FRK: variants seen among roughly 807,000 people sequenced by gnomAD.
FRK encodes the protein tyrosine-protein kinase FRK.
A neutral mutation model predicts 56.4 loss-of-function variants in FRK; 51 were observed. That is an observed-to-expected ratio of 0.90 (90% CI 0.72 to 1.14). FRK has a LOEUF of 1.14. FRK is among the 50% of genes most tolerant of loss of function. The pLI is 0.00. For missense variants in FRK, 570 were observed against 601.4 expected (o/e 0.95, Z 0.55); for synonymous variants, 245 against 217.9 (o/e 1.12, Z -1.10).
In FRK at chr6:115,953,180, A is replaced by ACTTTTTTTTTTTTTTTTTTTTTTT. The variant is rs34026302; in HGVS notation, c.958+3271_958+3272insAAAAAAAAAAAAAAAAAAAAAAAG. ...AGAGTGGTACATCCATTTTAAGGCC[A>ACTTTTTTTTTTTTTTTTTTTTTTT]TTTTTTTTTTTTTTTTTTTTTTTTT... On this transcript the variant is annotated intron_variant, in intron 5 of 7. Coordinates refer to ENST00000606080, the MANE Select transcript of FRK (RefSeq NM_002031.3). Among the ~76,000 whole-genome samples, 5 of 104,032 alleles carry ACTTTTTTTTTTTTTTTTTTTTTTT rather than the reference A, an allele frequency of 4.8e-5. 2 individuals carry two copies. The highest frequency in any genetic ancestry group is 1.1e-4 in the African/African-American group (3 of 27,214). The allele number at this position is 104,032 out of a possible 152,430, so 68.2% of individuals were successfully genotyped here.
At chr6:115,992,043 T>G (rs1183346560) in intron 2 of FRK, among the ~76,000 whole-genome samples, 1 of 151,702 alleles carries the variant, frequency 6.6e-6, no homozygotes, top group African/African-American at 2.4e-5. Flanking sequence ...TGTGCTTCTT[T>G]GAATCTTCTC....
At chr6:116,003,565 T>C (rs1775141863) in intron 2 of FRK, among the ~76,000 whole-genome samples, 1 of 152,246 alleles carries the variant, frequency 6.6e-6, no homozygotes, top group African/African-American at 2.4e-5. Context: ...AGTAGAGTTT[T>C]TGTTTCTTCC....
chr6:116,069,707 C>G, the FRK span, among the ~76,000 whole-genome samples: 1 of 152,144 alleles, frequency 6.6e-6, no homozygotes, highest in South Asian at 2.1e-4. Flanking sequence ...TGCACTAGAG[C>G]AGGGGAAAAC....
chr6:115,993,832 G>A (rs898688804), intron 2 of FRK, among the ~76,000 whole-genome samples: 1 of 151,934 alleles, frequency 6.6e-6, no homozygotes, highest in Admixed American at 6.6e-5. Context: ...AGCATCTCAA[G>A]TATGCTCTTT....
chr6:115,967,451 C>T (rs1773625760), intron 4 of FRK, 100 bp downstream of exon 4: 47 of 1,135,746 alleles, frequency 4.1e-5, no homozygotes, highest in Non-Finnish European at 5.9e-5. Context: ...CACCTGCTTG[C>T]TGCCAGTATT....
chr6:116,015,310 T>C (rs1027080676), intron 1 of FRK, among the ~76,000 whole-genome samples: 1 of 152,204 alleles, frequency 6.6e-6, no homozygotes, highest in African/African-American at 2.4e-5. Context: ...CCTGCCACCA[T>C]GTAAGATGTG....
In FRK at chr6:115,949,299, G is replaced by A. The variant is rs530486707; in HGVS notation, c.959-4874C>T. Among the ~76,000 whole-genome samples the A allele has an allele frequency of 1.1e-4, 17 of 152,188 alleles. No homozygotes were observed. The East Asian group carries it at 3.3e-3, about 29-fold the overall frequency. On this transcript the variant is annotated intron_variant, in intron 5 of 7. Transcript: ENST00000606080. ...TTTCTTTCTCTTGCCTGATTGTCCTGGCCAGAACTTCCAATACTATGTGGA... is the reference window on the plus strand; with the variant it reads ...TTTCTTTCTCTTGCCTGATTGTCCTAGCCAGAACTTCCAATACTATGTGGA...
chr6:116,077,398 C>A, the FRK span, among the ~76,000 whole-genome samples: 1 of 152,274 alleles, frequency 6.6e-6, no homozygotes, highest in Admixed American at 6.5e-5. Flanking sequence ...GGTTGCTTTT[C>A]CTTTCACAAA....
intron 2 of FRK, among the ~76,000 whole-genome samples, chr6:115,980,235 T>C (rs188132251): frequency 5.9e-5 from 9 of 152,242 alleles, no homozygotes; most frequent in South Asian, 2.1e-4. Flanking sequence ...CAAAGAATGT[T>C]CACTAGAGCA....
At chr6:115,957,689 A>T (rs1008551239) in intron 4 of FRK, among the ~76,000 whole-genome samples, 23 of 152,372 alleles carry the variant, frequency 1.5e-4, no homozygotes, top group African/African-American at 4.3e-4. Flanking sequence ...ACATCATTTC[A>T]CATAAAACAT....
intron 1 of FRK, among the ~76,000 whole-genome samples, chr6:116,057,733 G>A (rs1320014724): frequency 6.6e-6 from 1 of 152,118 alleles, no homozygotes; most frequent in Non-Finnish European, 1.5e-5. Flanking sequence ...AAAGGTCAAG[G>A]TAATGTGCAG....
chr6:116,038,172 A>G (rs2114779698), intron 1 of FRK, among the ~76,000 whole-genome samples: 1 of 152,326 alleles, frequency 6.6e-6, no homozygotes, highest in Admixed American at 6.5e-5. Flanking sequence ...ATTAATTACA[A>G]TTCTGTCAAA....
chr6:116,012,737 C>A (rs1324347083), intron 1 of FRK, among the ~76,000 whole-genome samples: 1 of 152,094 alleles, frequency 6.6e-6, no homozygotes, highest in African/African-American at 2.4e-5. Flanking sequence ...TTTGTGTAAT[C>A]TTTTATTTGA....
At chr6:116,087,002 T>G in the FRK span, among the ~76,000 whole-genome samples, 1 of 152,210 alleles carries the variant, frequency 6.6e-6, no homozygotes, top group Middle Eastern at 3.2e-3. Context: ...AAAGGTAATG[T>G]GGGAGATATC....
rs375797063 is a variant in FRK, at chr6:115,956,525, A to G, written c.885T>C (p.Val295=). 5.0e-6 allele frequency: 8 copies of G among 1,595,108 alleles called. No homozygotes were observed. In the African/African-American group the frequency reaches 8.0e-5, roughly 16 times the overall value. ...TATAAATTGGATCTTCTAAAGTGCAAACAGCATAAAGCTGGATAAGCTTTG... is the reference window on the plus strand; with the variant it reads ...TATAAATTGGATCTTCTAAAGTGCAGACAGCATAAAGCTGGATAAGCTTTG... ...RHPKLIQLYA[V]CTLEDPIYII... The change falls in exon 5 of 8, where the codon GTT becomes GTC. Residue 295 remains valine (V), a synonymous_variant. Transcript: ENST00000606080.
intron 2 of FRK, among the ~76,000 whole-genome samples, chr6:115,969,601 G>T (rs1216461027): frequency 6.6e-6 from 1 of 152,168 alleles, no homozygotes; most frequent in Non-Finnish European, 1.5e-5. Context: ...CATAATTAGT[G>T]CAATAAGAAC....
chr6:116,042,785 A>T (rs1462250190), intron 1 of FRK, among the ~76,000 whole-genome samples: 1 of 152,168 alleles, frequency 6.6e-6, no homozygotes, highest in East Asian at 1.9e-4. Flanking sequence ...AAAGACACAG[A>T]CTGGCAAATT....
intron 2 of FRK, among the ~76,000 whole-genome samples, chr6:115,979,053 CA>C (rs111820717): frequency 0.12 from 13,864 of 116,066 alleles, 645 homozygotes; most frequent in African/African-American, 0.17. Flanking sequence ...GACTCTGTCT[CA>C]AAAAAAAAAA....
intron 4 of FRK, among the ~76,000 whole-genome samples, chr6:115,958,998 C>T (rs1027167155): frequency 1.3e-5 from 2 of 152,170 alleles, no homozygotes; most frequent in Non-Finnish European, 2.9e-5. Flanking sequence ...GAAGCCTCTG[C>T]AGGTGAAGAC....
Sources: gnomAD v4.1 joint callset for allele counts (sites outside exome capture counted in the v4.1 genomes callset) on GRCh38, gnomAD v4.1.1 for gene constraint, MANE v1.5 for transcripts, NCBI Gene and HGNC (gene_info 2026-07-23, HGNC 2026-07-21) for gene names.